Variants in LEKR1 observed in about 807,000 individuals in gnomAD.
The protein encoded by LEKR1 is protein LEKR1.
A neutral mutation model predicts 72.4 loss-of-function variants in LEKR1; 59 were observed. The ratio of observed to expected loss-of-function variants is 0.82; its 90% confidence interval spans 0.66 to 1.01. The LOEUF is 1.01. LEKR1 is among the 50% of genes least tolerant of loss of function. The pLI is 0.00. For missense variants in LEKR1, 728 were observed against 759.2 expected, an observed-to-expected ratio of 0.96 and a Z score of 0.48; for synonymous variants, 257 against 263.2, an observed-to-expected ratio of 0.98 and a Z score of 0.23.
intron 7 of LEKR1, among the ~76,000 whole-genome samples, chr3:156,986,111 G>T (rs1730658545): frequency 6.6e-6 from 1 of 152,156 alleles, no homozygotes; most frequent in Admixed American, 6.5e-5. Flanking sequence ...ACACGACCTG[G>T]TGACACCTTG....
At chr3:156,859,010 A>G (rs1716428840) in intron 3 of LEKR1, among the ~76,000 whole-genome samples, 1 of 152,178 alleles carries the variant, frequency 6.6e-6, no homozygotes, top group East Asian at 1.9e-4. Context: ...TCCAGGTTGA[A>G]GAGAATATAA....
At chr3:156,909,387 C>T (rs1211839552) in intron 3 of LEKR1, among the ~76,000 whole-genome samples, 1 of 152,074 alleles carries the variant, frequency 6.6e-6, no homozygotes, top group Admixed American at 6.6e-5. Context: ...GCTGGTGGGT[C>T]ATGCCTGCAA....
chr3:156,902,800 A>G (rs1420637126), intron 3 of LEKR1, among the ~76,000 whole-genome samples: 1 of 152,088 alleles, frequency 6.6e-6, no homozygotes, highest in Non-Finnish European at 1.5e-5. Flanking sequence ...TCTAGCTTAT[A>G]TTATAAAAGC....
At chr3:156,833,904 T>A (rs1712768277) in intron 2 of LEKR1, among the ~76,000 whole-genome samples, 1 of 151,446 alleles carries the variant, frequency 6.6e-6, no homozygotes. Flanking sequence ...TTCCCCTTTT[T>A]TCCTTTTTTT....
intron 3 of LEKR1, among the ~76,000 whole-genome samples, chr3:156,876,413 G>C (rs564132232): frequency 6.6e-6 from 1 of 152,246 alleles, no homozygotes; most frequent in South Asian, 2.1e-4. Context: ...TCTATGGATT[G>C]CTTTTGGCAG....
intron 3 of LEKR1, among the ~76,000 whole-genome samples, chr3:156,916,135 C>T (rs1027252834): frequency 6.6e-6 from 1 of 152,046 alleles, no homozygotes; most frequent in African/African-American, 2.4e-5. Context: ...GTTTTTGTGC[C>T]AGTACTATGC....
intron 3 of LEKR1, among the ~76,000 whole-genome samples, chr3:156,874,558 GTTTTT>G (rs1448022659): frequency 6.6e-6 from 1 of 151,418 alleles, no homozygotes; most frequent in East Asian, 1.9e-4. Flanking sequence ...TTTTCCAATA[GTTTTT>G]GGAGCACAAG....
chr3:157,008,377 T>C (rs938405934), intron 9 of LEKR1, among the ~76,000 whole-genome samples: 1 of 152,242 alleles, frequency 6.6e-6, no homozygotes, highest in Non-Finnish European at 1.5e-5. Context: ...CTCTGTCCTC[T>C]GGCTGTATCA....
rs148981335 is a variant in LEKR1 at position 156,907,654 on chromosome 3, A to G, written c.264-12921A>G. Among the ~76,000 whole-genome samples, 521 of 152,246 alleles carry G rather than the reference A, an allele frequency of 3.4e-3. 2 individuals are homozygous for G. The highest frequency in any genetic ancestry group is 0.012 in the African/African-American group (495 of 41,566). On this transcript the variant is annotated intron_variant, in intron 3 of 12. Coordinates refer to ENST00000356539, the MANE Select transcript of LEKR1 (RefSeq NM_001004316.3). ...GTGCCCAAGTCATTCTTTTCAAAAAATAAGTTTAGATTTATATAAAGTTCC... is the reference window on the plus strand; with the variant it reads ...GTGCCCAAGTCATTCTTTTCAAAAAGTAAGTTTAGATTTATATAAAGTTCC...
At chr3:157,006,131 G>A (rs920832437) in intron 9 of LEKR1, among the ~76,000 whole-genome samples, 5 of 151,188 alleles carry the variant, frequency 3.3e-5, no homozygotes, top group African/African-American at 1.2e-4. Flanking sequence ...TCAGCCTCCC[G>A]AGTAGCTGGG....
chr3:157,024,834 A>T lies in LEKR1; in HGVS notation c.1278A>T (p.Glu426Asp). 6.2e-7 allele frequency: 1 copy of T among 1,612,610 alleles called. No homozygotes were observed. Among genetic ancestry groups the T allele is most frequent in the Non-Finnish European group, 8.5e-7 (1 of 1,179,166 alleles). Residue 426 changes from glutamate (E) to aspartate (D), a missense_variant, in exon 11 of 13, where the codon GAA becomes GAT. Coordinates refer to ENST00000356539, the MANE Select transcript of LEKR1 (RefSeq NM_001004316.3). ...AAGAGCAAGCTCTTCTCTTTAAGGA[A>T]GAAACAAAATTGCAACTTGATATTG... ...EFEEQALLFK[E>D]ETKLQLDIEK...
intron 6 of LEKR1, among the ~76,000 whole-genome samples, chr3:156,972,174 A>C (rs2107993125): frequency 6.6e-6 from 1 of 152,320 alleles, no homozygotes; most frequent in African/African-American, 2.4e-5. Context: ...AAAAAGGATG[A>C]GTTCATGTCC....
chr3:156,890,260 C>T (rs1246741315), intron 3 of LEKR1, among the ~76,000 whole-genome samples: 1 of 152,058 alleles, frequency 6.6e-6, no homozygotes, highest in African/African-American at 2.4e-5. Flanking sequence ...TATAAAGTAA[C>T]AGTCTGAACT....
intron 6 of LEKR1, among the ~76,000 whole-genome samples, chr3:156,968,211 C>T (rs1170820482): frequency 6.6e-6 from 1 of 152,176 alleles, no homozygotes; most frequent in Non-Finnish European, 1.5e-5. Flanking sequence ...GAAGAAACTG[C>T]ATCAACTAAC....
At chr3:156,943,892 T>G (rs750636070) in intron 6 of LEKR1, among the ~76,000 whole-genome samples, 9 of 151,864 alleles carry the variant, frequency 5.9e-5, no homozygotes, top group Non-Finnish European at 1.0e-4. Flanking sequence ...AAAATAATCA[T>G]ATATTTTTAT....
intron 3 of LEKR1, among the ~76,000 whole-genome samples, chr3:156,891,618 A>G (rs1720676331): frequency 6.6e-6 from 1 of 152,210 alleles, no homozygotes; most frequent in African/African-American, 2.4e-5. Context: ...AATGTGGTTC[A>G]GTTTCTTGTG....
chr3:156,938,337 T>G (rs1725902200), intron 5 of LEKR1, among the ~76,000 whole-genome samples: 1 of 152,170 alleles, frequency 6.6e-6, no homozygotes, highest in South Asian at 2.1e-4. Flanking sequence ...TTCTGTAAAT[T>G]TATACTTATT....
At chr3:156,983,397 C>T (rs1209307828) in intron 7 of LEKR1, among the ~76,000 whole-genome samples, 1 of 152,092 alleles carries the variant, frequency 6.6e-6, no homozygotes, top group Non-Finnish European at 1.5e-5. Context: ...GGGTAGCTTG[C>T]TAAAATTCTA....
chr3:157,025,435 G>A (rs1267112108), intron 11 of LEKR1, among the ~76,000 whole-genome samples: 1 of 151,984 alleles, frequency 6.6e-6, no homozygotes, highest in East Asian at 1.9e-4. Flanking sequence ...TGTTTTTATA[G>A]GACTTGAGTG....
Sources: allele counts gnomAD v4.1 joint callset (sites outside exome capture counted in the v4.1 genomes callset), GRCh38; gene constraint gnomAD v4.1.1; transcripts MANE v1.5; gene names NCBI Gene and HGNC (gene_info 2026-07-23, HGNC 2026-07-21).